BAHCC1: variants seen among roughly 807,000 people sequenced by gnomAD.
BAHCC1 encodes the protein BAH and coiled-coil domain-containing protein 1.
A neutral mutation model predicts 88.2 loss-of-function variants in BAHCC1; 43 were observed. The ratio of observed to expected loss-of-function variants is 0.49; its 90% CI spans 0.38 to 0.63. The LOEUF (loss-of-function observed/expected upper bound fraction) is 0.63, where lower values mean the gene tolerates loss of function less well. Ranked by LOEUF, BAHCC1 falls within the 20% of genes least tolerant of loss-of-function variation. BAHCC1 has a pLI of 0.00. For missense variants in BAHCC1, 3,023 were observed against 1,654.8 expected, an observed-to-expected ratio of 1.83 and a Z score of -14.34; for synonymous variants, 1,510 against 745.5, an observed-to-expected ratio of 2.03 and a Z score of -16.71.
rs1200808661 is a variant in BAHCC1, at chr17:81,426,975, C to T, written c.354C>T (p.His118=). The change falls in exon 3 of 28, where the codon CAC becomes CAT. Residue 118 remains histidine (H), a synonymous_variant. Transcript: ENST00000675386. ...CCCAGATCTGGTTCTCCCACTCCCA[C>T]GAAGGTAAGTTGGCGGACTGGGCTC... The part of the protein sequence containing the change: ...TTSQIWFSHS[H]EAPGYPRFSG... 3 of 398,470 alleles carry T rather than the reference C, an allele frequency of 7.5e-6. No individual in the cohort carries two copies. Among genetic ancestry groups the T allele is most frequent in the Admixed American group, 4.4e-5 (1 of 22,712 alleles). The allele number at this position is 398,470 out of a possible 1,614,324, so 24.7% of individuals were successfully genotyped here. A position where few individuals can be genotyped will look rare whatever the true frequency, so the allele number is the denominator to read the frequency against.
rs370912363 is a variant in BAHCC1 at position 81,457,375 on chromosome 17, A to G, written c.4859-35A>G. On this transcript the variant is annotated intron_variant, in intron 16 of 27. Coordinates refer to ENST00000675386, the MANE Select transcript of BAHCC1 (RefSeq NM_001377448.1). ...CCACCTCTCAATGGCACAGCTTACC[A>G]TCAAGTCATCAGGACCCCTCTGCCT... is the stretch of plus-strand genomic sequence containing the variant. The G allele has an allele frequency of 8.0e-6, 6 of 746,418 alleles. No individual in the cohort carries two copies. In the African/African-American group the frequency reaches 8.6e-5, roughly 11 times the overall value. The allele number at this position is 746,418 out of a possible 1,614,324, so 46.2% of individuals were successfully genotyped here. A position where few individuals can be genotyped will look rare whatever the true frequency, so the allele number is the denominator to read the frequency against.
chr17:81,419,016 A>G (rs1232080839), intron 2 of BAHCC1, among the ~76,000 whole-genome samples: 3 of 151,858 alleles, frequency 2.0e-5, no homozygotes, highest in African/African-American at 7.3e-5. Flanking sequence ...TGCACCCCAC[A>G]TCTCGAGTCT....
In BAHCC1 at chr17:81,458,839, G is replaced by A. The variant is rs782394302; in HGVS notation, c.5475G>A (p.Leu1825=). 5.2e-6 allele frequency: 4 copies of A among 767,976 alleles called. No individual in the cohort carries two copies. Among genetic ancestry groups the A allele is most frequent in the Non-Finnish European group, 9.8e-6 (4 of 409,598 alleles). 47.6% of individuals were successfully genotyped at this position (767,976 alleles called of 1,614,324 possible). A position where few individuals can be genotyped will look rare whatever the true frequency, so the allele number is the denominator to read the frequency against. The stretch of plus-strand genomic sequence containing the variant: ...GCAAGGGCCGGGCCGTGAGCCGCCT[G>A]CTGGAAAGCTTCGCCGTGGAGGAAG... ...KQGKGRAVSR[L]LESFAVEEDF... Residue 1825 remains leucine, a synonymous_variant, in exon 20 of 28, where the codon CTG becomes CTA. Transcript: ENST00000675386.
rs782704001 is a variant in BAHCC1 at position 81,459,144 on chromosome 17, T to G, written c.5696T>G (p.Val1899Gly). The change falls in exon 21 of 28, where the codon GTC becomes GGC. Residue 1899 changes from valine (V) to glycine (G), a missense_variant. Physicochemically the swap from Val to Gly is moderately radical, Grantham distance 109. Coordinates refer to ENST00000675386, the MANE Select transcript of BAHCC1 (RefSeq NM_001377448.1). ...GATAGCCTGCTGTACGCGGGCAGCGTCAGGACCCTGCAGCCACCCGACATG... is the reference window on the plus strand; with the variant it reads ...GATAGCCTGCTGTACGCGGGCAGCGGCAGGACCCTGCAGCCACCCGACATG... ...KEDSLLYAGS[V>G]RTLQPPDIYS... 1.3e-6 allele frequency: 1 copy of G among 770,368 alleles called. No individual in the cohort carries two copies. The highest frequency in any genetic ancestry group is 1.7e-5 in the African/African-American group (1 of 58,926). 47.7% of individuals were successfully genotyped at this position (770,368 alleles called of 1,614,324 possible).
At chr17:81,416,242 GCGTGTGTGTA>G (rs782704117) in intron 2 of BAHCC1, among the ~76,000 whole-genome samples, 1 of 150,358 alleles carries the variant, frequency 6.7e-6, no homozygotes, top group Non-Finnish European at 1.5e-5. Flanking sequence ...GTGGGTGTAT[GCGTGTGTGTA>G]CGTGTGTGTG....
At chr17:81,463,498 GA>G in intron 27 of BAHCC1, 112 bp from the exon 28 acceptor site, 1 of 688,480 alleles carries the variant, frequency 1.5e-6, no homozygotes, top group Non-Finnish European at 2.7e-6. Context: ...CGGCCACACA[GA>G]AGTCCATCCG....
At chr17:81,423,780 G>A (rs2064142690) in intron 2 of BAHCC1, among the ~76,000 whole-genome samples, 1 of 152,258 alleles carries the variant, frequency 6.6e-6, no homozygotes, top group South Asian at 2.1e-4. Flanking sequence ...GCTCCCTCGG[G>A]CTGGCCTTGG....
At chr17:81,401,030 AAC>A (rs1225708503) in intron 2 of BAHCC1, 3 of 152,286 alleles carry the variant, frequency 2.0e-5, no homozygotes, top group Non-Finnish European at 4.4e-5. Flanking sequence ...AATTGGCAGT[AAC>A]AGTTATTATT....
In BAHCC1 at chr17:81,460,674, C is replaced by G. The variant is rs1162685577; in HGVS notation, c.6170C>G (p.Pro2057Arg). Residue 2057 changes from proline to arginine, a missense_variant, in exon 25 of 28, where the codon CCT becomes CGT. Coordinates refer to ENST00000675386, the MANE Select transcript of BAHCC1 (RefSeq NM_001377448.1). ...AQDGPEALKTPGKKSISKDKA... is the reference protein window; with the variant it reads ...AQDGPEALKTRGKKSISKDKA... ...GACGGCCCCGAAGCTTTGAAGACAC[C>G]TGGGAAAAAATCCATTAGCAAAGAC... 1.9e-5 allele frequency: 15 copies of G among 773,020 alleles called. No homozygotes were observed. In the African/African-American group the frequency reaches 2.2e-4, roughly 11 times the overall value. 47.9% of individuals were successfully genotyped at this position (773,020 alleles called of 1,614,324 possible).
Position 81,447,088 on chromosome 17 carries a change from C to T in BAHCC1, c.3216C>T (p.Pro1072=), listed in dbSNP as rs782493060. 7.7e-6 allele frequency: 6 copies of T among 779,328 alleles called. No homozygotes were observed. The African/African-American group carries it at 1.0e-4, about 13-fold the overall frequency. 48.3% of individuals were successfully genotyped at this position (779,328 alleles called of 1,614,324 possible). The stretch of plus-strand genomic sequence containing the variant: ...TGGCTGGCCTGGGCTTCTCCCTACC[C>T]TCAGACGTGCACTCTTCTAACCTCG... ...RPMAGLGFSL[P]SDVHSSNLED... The change falls in exon 11 of 28, where the codon CCC becomes CCT. Residue 1072 remains proline (P), a synonymous_variant. Transcript: ENST00000675386.
chr17:81,404,883 G>A (rs1180981139), intron 2 of BAHCC1, among the ~76,000 whole-genome samples: 1 of 152,138 alleles, frequency 6.6e-6, no homozygotes, highest in Non-Finnish European at 1.5e-5. Flanking sequence ...CAGTCGTGGG[G>A]AATCACTGAA....
Position 81,444,703 on chromosome 17 carries a change from C to A in BAHCC1, c.2548C>A (p.Pro850Thr), listed in dbSNP as rs782351461. ...CCCTGCCCTGCACCAGAACCTGCCCCCCGGCTTCCCCGCCTCCGTGGCTGG... is the reference window on the plus strand; with the variant it reads ...CCCTGCCCTGCACCAGAACCTGCCCACCGGCTTCCCCGCCTCCGTGGCTGG... ...GHPALHQNLP[P>T]GFPASVAGPV... Residue 850 changes from proline to threonine, a missense_variant, in exon 8 of 28, where the codon CCC becomes ACC. Pro to Thr is a conservative substitution (Grantham distance 38). Transcript: ENST00000675386. The A allele has an allele frequency of 1.3e-5, 10 of 776,794 alleles. No individual in the cohort carries two copies. Among genetic ancestry groups the A allele is most frequent in the Non-Finnish European group, 1.9e-5 (8 of 417,652 alleles). The allele number at this position is 776,794 out of a possible 1,614,324, so 48.1% of individuals were successfully genotyped here. A position where few individuals can be genotyped will look rare whatever the true frequency, so the allele number is the denominator to read the frequency against.
chr17:81,398,727 C>T (rs1174032325), intron 1 of BAHCC1, among the ~76,000 whole-genome samples: 1 of 152,022 alleles, frequency 6.6e-6, no homozygotes, highest in African/African-American at 2.4e-5. Flanking sequence ...GGACAGCAGG[C>T]CGGGCACTGC....
At chr17:81,459,216 G>A (rs782354583) in intron 21 of BAHCC1, 37 bp from the exon 22 acceptor site, 8 of 774,550 alleles carry the variant, frequency 1.0e-5, no homozygotes, top group East Asian at 2.4e-5. Flanking sequence ...GAGGGCAACC[G>A]AGACCCGTGG....
In BAHCC1 at chr17:81,442,428, C is replaced by A; in HGVS notation, c.1079C>A (p.Ala360Asp). 1.4e-6 allele frequency: 1 copy of A among 705,766 alleles called. No homozygotes were observed. The highest frequency in any genetic ancestry group is 2.1e-5 in the Admixed American group (1 of 48,432). 43.7% of individuals were successfully genotyped at this position (705,766 alleles called of 1,614,324 possible). A position where few individuals can be genotyped will look rare whatever the true frequency, so the allele number is the denominator to read the frequency against. The change falls in exon 5 of 28, where the codon GCC (alanine) becomes GAC (aspartate). Residue 360 changes from alanine (A) to aspartate (D), a missense_variant. Transcript: ENST00000675386. ...GGGCCACCCCCGCCCCTCAGCACAG[C>A]CGCCGGCTCCTTCCCCTGCCTGCAG... ...YAGPPPPLST[A>D]AGSFPCLQLH...
intron 10 of BAHCC1, 184 bp from the exon 11 acceptor site, chr17:81,446,852 C>T (rs1262577377): frequency 1.5e-6 from 1 of 672,212 alleles, no homozygotes; most frequent in Non-Finnish European, 2.7e-6. Context: ...TGCACCCAGC[C>T]AGGTTGCCCC....
Position 81,459,139 on chromosome 17 carries a change from C to T in BAHCC1, c.5691C>T (p.Gly1897=), listed in dbSNP as rs782368688. ...IPKEDSLLYA[G]SVRTLQPPDI... is the part of the protein sequence containing the mutation. ...AGGAGGATAGCCTGCTGTACGCGGG[C>T]AGCGTCAGGACCCTGCAGCCACCCG... The change falls in exon 21 of 28, where the codon GGC becomes GGT. Residue 1897 remains glycine (G), a synonymous_variant. Transcript: ENST00000675386. 4 of 770,374 alleles carry T rather than the reference C, an allele frequency of 5.2e-6. No homozygotes were observed. In the Admixed American group the frequency reaches 6.9e-5, roughly 13 times the overall value. 47.7% of individuals were successfully genotyped at this position (770,374 alleles called of 1,614,324 possible).
At chr17:81,462,502 A>T (rs545199844) in intron 26 of BAHCC1, 1 of 551,550 alleles carries the variant, frequency 1.8e-6, no homozygotes, top group East Asian at 3.0e-5. Context: ...TCCCAGATCC[A>T]GTGTCCAGAC....
At chr17:81,420,103 G>A (rs1384711654) in intron 2 of BAHCC1, among the ~76,000 whole-genome samples, 3 of 152,150 alleles carry the variant, frequency 2.0e-5, no homozygotes, top group East Asian at 1.9e-4. Context: ...CTGCTGGACC[G>A]ACCCTTACAG....
Sources: gnomAD v4.1 joint callset for allele counts (sites outside exome capture counted in the v4.1 genomes callset) on GRCh38, gnomAD v4.1.1 for gene constraint, MANE v1.5 for transcripts, NCBI Gene and HGNC (gene_info 2026-07-23, HGNC 2026-07-21) for gene names.